Variants in RAB40B observed in about 807,000 individuals in gnomAD.
RAB40B encodes the protein ras-related protein Rab-40B.
In RAB40B, 21 loss-of-function variants were observed where a neutral mutation model predicts 24.0. The ratio of observed to expected loss-of-function variants is 0.88; its 90% CI spans 0.62 to 1.26. The LOEUF is 1.26. RAB40B is among the 50% of genes most tolerant of loss of function. The pLI is 0.00. For synonymous variants in RAB40B, 167 were observed against 169.8 expected (o/e 0.98, Z 0.13); for missense variants, 348 against 390.5 (o/e 0.89, Z 0.92).
intron 1 of RAB40B, among the ~76,000 whole-genome samples, chr17:82,690,657 GC>G: frequency 6.8e-6 from 1 of 148,060 alleles, no homozygotes; most frequent in Middle Eastern, 3.6e-3. Flanking sequence ...TTCCCGGGGA[GC>G]AGAGAGTGTG....
chr17:82,659,708 C>T lies in RAB40B; in HGVS notation c.265-51G>A, dbSNP rs1197258832. 6.1e-6 allele frequency: 9 copies of T among 1,478,686 alleles called. No homozygotes were observed. The Admixed American group carries it at 1.5e-4, about 25-fold the overall frequency. The allele number at this position is 1,478,686 out of a possible 1,614,324, so 91.6% of individuals were successfully genotyped here. ...ACGCAGAACACAGATGCAGGCACAG[C>T]TGTGGCCATGCACGCAAAGACATAC... On this transcript the variant is annotated intron_variant, in intron 3 of 5. Coordinates refer to ENST00000571995, the MANE Select transcript of RAB40B (RefSeq NM_006822.3).
chr17:82,657,768 A>G lies in RAB40B; in HGVS notation c.*95T>C. The G allele has an allele frequency of 7.0e-7, 1 of 1,422,582 alleles. No homozygotes were observed. The highest frequency in any genetic ancestry group is 2.3e-5 in the East Asian group (1 of 43,894). The allele number at this position is 1,422,582 out of a possible 1,614,324, so 88.1% of individuals were successfully genotyped here. Reference sequence around the variant, plus strand: ...ACACATTCGCAAGCAGCATTCGCCGAGAGGAACCGGGATCTGAGATGCATC... The same window carrying G: ...ACACATTCGCAAGCAGCATTCGCCGGGAGGAACCGGGATCTGAGATGCATC... On this transcript the variant is annotated 3_prime_UTR_variant, in exon 6 of 6. Transcript: ENST00000571995.
At chr17:82,658,325 T>C in intron 5 of RAB40B, 166 bp downstream of exon 5, 1 of 1,075,072 alleles carries the variant, frequency 9.3e-7, no homozygotes. Context: ...CCTCATGAGC[T>C]TTCTGACAAA....
intron 1 of RAB40B, among the ~76,000 whole-genome samples, chr17:82,686,081 C>T (rs986977788): frequency 2.7e-5 from 4 of 148,796 alleles, no homozygotes; most frequent in African/African-American, 7.4e-5. Flanking sequence ...GGATTACAGG[C>T]GTGAGCCACC....
At chr17:82,680,715 G>T (rs988690132) in intron 1 of RAB40B, among the ~76,000 whole-genome samples, 1 of 152,004 alleles carries the variant, frequency 6.6e-6, no homozygotes. Flanking sequence ...ATGAAGTATT[G>T]ATACAAATGT....
intron 1 of RAB40B, among the ~76,000 whole-genome samples, chr17:82,693,161 C>T (rs576250230): frequency 2.6e-5 from 4 of 152,218 alleles, no homozygotes; most frequent in South Asian, 2.1e-4. Flanking sequence ...CGCCACCACA[C>T]CTGGCTAATT....
intron 1 of RAB40B, among the ~76,000 whole-genome samples, chr17:82,684,281 T>TA (rs763114457): frequency 3.9e-4 from 59 of 151,224 alleles, no homozygotes; most frequent in Non-Finnish European, 7.1e-4. Flanking sequence ...GGCTAACATT[T>TA]AAAAAAAACA....
chr17:82,661,927 G>A lies in RAB40B; in HGVS notation c.204-880C>T, dbSNP rs539925289. The A allele has an allele frequency of 2.3e-5, 23 of 983,980 alleles. 1 individual carries two copies. The African/African-American group carries it at 3.5e-4, about 15-fold the overall frequency. The allele number at this position is 983,980 out of a possible 1,614,324, so 61.0% of individuals were successfully genotyped here. On this transcript the variant is annotated intron_variant, in intron 2 of 5. Transcript: ENST00000571995. ...AAAAAAAAGGAAGAAACAAATGAGG[G>A]TGGAAAGGGTGCTCCCCAGGGATCA... is the stretch of plus-strand genomic sequence containing the variant.
At chr17:82,689,889 C>T (rs944513793) in intron 1 of RAB40B, among the ~76,000 whole-genome samples, 1 of 151,748 alleles carries the variant, frequency 6.6e-6, no homozygotes, top group Non-Finnish European at 1.5e-5. Context: ...ATTGCTTGGA[C>T]CCAGGAGGCG....
chr17:82,680,702 C>CT (rs2046440558), intron 1 of RAB40B, among the ~76,000 whole-genome samples: 2 of 152,054 alleles, frequency 1.3e-5, no homozygotes, highest in South Asian at 4.1e-4. Context: ...TAACATTTTT[C>CT]ATATGAAGTA....
chr17:82,659,940 T>C (rs556426569), intron 3 of RAB40B, among the ~76,000 whole-genome samples: 1 of 152,306 alleles, frequency 6.6e-6, no homozygotes, highest in African/African-American at 2.4e-5. Context: ...AATCGCCACC[T>C]CTCGAGGAGT....
intron 1 of RAB40B, among the ~76,000 whole-genome samples, chr17:82,695,168 C>A (rs1018805761): frequency 2.7e-5 from 4 of 150,426 alleles, no homozygotes; most frequent in Non-Finnish European, 4.4e-5. Context: ...GAGTTACGAA[C>A]GCCCTCATCT....
At chr17:82,677,697 C>G (rs1202326750) in intron 1 of RAB40B, among the ~76,000 whole-genome samples, 3 of 152,248 alleles carry the variant, frequency 2.0e-5, no homozygotes, top group African/African-American at 7.2e-5. Context: ...TTTCCAGGCA[C>G]AGGTGGCCTG....
intron 1 of RAB40B, 53 bp downstream of exon 1, chr17:82,698,402 G>A: frequency 9.5e-6 from 2 of 210,366 alleles, no homozygotes; most frequent in Non-Finnish European, 1.3e-5. Context: ...CCAGCCCCGC[G>A]CCCCTCCCCG....
At chr17:82,698,289 C>A (rs1372408661) in intron 1 of RAB40B, among the ~76,000 whole-genome samples, 166 bp downstream of exon 1, 2 of 151,560 alleles carry the variant, frequency 1.3e-5, no homozygotes, top group Non-Finnish European at 3.0e-5. Context: ...CCCCGCGCCC[C>A]CGGACCGGGA....
At chr17:82,698,187 CGAGTGGAACTGG>C (rs2046631500) in intron 1 of RAB40B, among the ~76,000 whole-genome samples, 1 of 152,028 alleles carries the variant, frequency 6.6e-6, no homozygotes, top group Admixed American at 6.5e-5. Context: ...CGCGGGGCCT[CGAGTGGAACTGG>C]GGGTGCAACA....
In RAB40B at chr17:82,692,594, G is replaced by T. The variant is rs1252729966; in HGVS notation, c.142+5861C>A. ...AACGGTGGCCGTGCGATGCGGGGTGGGGGTGGGGGGCATCCGACTGAAAAA... is the reference window on the plus strand; with the variant it reads ...AACGGTGGCCGTGCGATGCGGGGTGTGGGTGGGGGGCATCCGACTGAAAAA... On this transcript the variant is annotated intron_variant, in intron 1 of 5. Coordinates refer to ENST00000571995, the MANE Select transcript of RAB40B (RefSeq NM_006822.3). This position sits in a 1 kb window ranked among gnomAD's most constrained non-coding sequence, Gnocchi z 4.0. Among the ~76,000 whole-genome samples the T allele has an allele frequency of 6.6e-6, 1 of 152,148 alleles. No homozygotes were observed. The highest frequency in any genetic ancestry group is 1.5e-5 in the Non-Finnish European group (1 of 68,006).
In RAB40B at chr17:82,681,283, AG is replaced by A. The variant is rs201532849; in HGVS notation, c.143-16728del. ...TAACTCAAAGATTGCTGGCTCTCCT[AG>A]GGAACATAACTTACCTATGGTAGGA... On this transcript the variant is annotated intron_variant, in intron 1 of 5. Coordinates refer to ENST00000571995, the MANE Select transcript of RAB40B (RefSeq NM_006822.3). Among the ~76,000 whole-genome samples, 75 of 152,248 alleles carry A rather than the reference AG, an allele frequency of 4.9e-4. 1 individual carries two copies. The East Asian group carries it at 0.013, about 27-fold the overall frequency.
At chr17:82,664,702 C>T in intron 1 of RAB40B, 146 bp from the exon 2 acceptor site, 1 of 742,196 alleles carries the variant, frequency 1.3e-6, no homozygotes, top group Non-Finnish European at 2.2e-6. Flanking sequence ...CCTGTGTCTG[C>T]CCAAGCTCAC....
Sources: gnomAD v4.1 joint callset for allele counts (sites outside exome capture counted in the v4.1 genomes callset) on GRCh38, gnomAD v4.1.1 for gene constraint, Gnocchi (gnomAD v3.1) non-coding constraint, MANE v1.5 for transcripts, NCBI Gene and HGNC (gene_info 2026-07-23, HGNC 2026-07-21) for gene names.